The following SLC14A2 variants were observed in gnomAD, a reference collection of about 807,000 sequenced individuals.
SLC14A2 encodes the protein solute carrier family 14 member 2.
A neutral mutation model predicts 104.6 loss-of-function variants in SLC14A2; 91 were observed. The ratio of observed to expected loss-of-function variants is 0.87; its 90% confidence interval spans 0.73 to 1.04. SLC14A2 has a LOEUF of 1.04. Ranked by LOEUF, SLC14A2 falls within the 50% of genes least tolerant of loss-of-function variation. The pLI, the probability that SLC14A2 is intolerant of heterozygous loss-of-function variation, is 0.00. For missense variants in SLC14A2, 1,189 were observed against 1,156.0 expected (o/e 1.03, Z -0.41); for synonymous variants, 476 against 466.4 (o/e 1.02, Z -0.27).
At chr18:45,287,703 C>G (rs1203823240) in intron 1 of SLC14A2, among the ~76,000 whole-genome samples, 1 of 152,200 alleles carries the variant, frequency 6.6e-6, no homozygotes, top group Non-Finnish European at 1.5e-5. Context: ...GAACTTCCAC[C>G]TTCTCTGGCT....
chr18:45,533,364 C>T (rs1448606318), intron 2 of SLC14A2, among the ~76,000 whole-genome samples: 2 of 152,158 alleles, frequency 1.3e-5, no homozygotes, highest in Non-Finnish European at 2.9e-5. Context: ...TAATTATTGC[C>T]TCAATTTCAG....
At chr18:45,490,091 G>C (rs1285115892) in intron 2 of SLC14A2, 1 of 152,194 alleles carries the variant, frequency 6.6e-6, no homozygotes, top group African/African-American at 2.4e-5. Context: ...TGTGTCGAAT[G>C]AGGTAGGAGG....
At chr18:45,608,897 T>A (rs1225722270) in intron 2 of SLC14A2, among the ~76,000 whole-genome samples, 4 of 152,186 alleles carry the variant, frequency 2.6e-5, no homozygotes, top group Admixed American at 1.3e-4. Flanking sequence ...TCATGCCAGG[T>A]CCCCTCTGCA....
chr18:45,390,769 C>T (rs1568178973), intron 1 of SLC14A2, among the ~76,000 whole-genome samples: 1 of 152,154 alleles, frequency 6.6e-6, no homozygotes, highest in Non-Finnish European at 1.5e-5. Flanking sequence ...CCAAGCTGCG[C>T]ACCTTTCACC....
intron 1 of SLC14A2, among the ~76,000 whole-genome samples, chr18:45,623,336 G>GAGTT (rs1342508549): frequency 6.6e-6 from 1 of 152,238 alleles, no homozygotes; most frequent in African/African-American, 2.4e-5. Flanking sequence ...ACAGGATGAT[G>GAGTT]AGTTATCTGC....
At chr18:45,367,527 C>A (rs569053507) in intron 1 of SLC14A2, among the ~76,000 whole-genome samples, 1 of 152,334 alleles carries the variant, frequency 6.6e-6, no homozygotes, top group South Asian at 2.1e-4. Flanking sequence ...ACTGGAACAT[C>A]ATGTCAACCT....
chr18:45,528,936 C>T (rs1169990322), intron 2 of SLC14A2: 4 of 152,228 alleles, frequency 2.6e-5, no homozygotes, highest in Non-Finnish European at 5.9e-5. Flanking sequence ...GAAGCTTCCA[C>T]TTTTCTGCTT....
At chr18:45,180,160 AAAACAAAC>A in the SLC14A2 span, among the ~76,000 whole-genome samples, 23 of 152,202 alleles carry the variant, frequency 1.5e-4, no homozygotes, top group Admixed American at 1.4e-3. Flanking sequence ...AAAAGAGAAA[AAAACAAAC>A]AAACAAACAA....
chr18:45,393,685 G>A (rs984062809), intron 1 of SLC14A2, among the ~76,000 whole-genome samples: 8 of 152,214 alleles, frequency 5.3e-5, no homozygotes, highest in African/African-American at 1.4e-4. Context: ...TCCATATGGG[G>A]AAGCACCTTG....
chr18:45,676,882 T>C (rs554814962), intron 18 of SLC14A2, among the ~76,000 whole-genome samples: 112 of 152,366 alleles, frequency 7.4e-4, no homozygotes, highest in Non-Finnish European at 1.1e-3. Flanking sequence ...AAGGCTGTGC[T>C]CTTTGCAGGA....
chr18:45,226,903 A>G (rs1160985815), intron 1 of SLC14A2, among the ~76,000 whole-genome samples: 1 of 152,128 alleles, frequency 6.6e-6, no homozygotes, highest in Non-Finnish European at 1.5e-5. Context: ...TCCTAATTAG[A>G]GTCCGGAGGT....
chr18:45,248,355 C>T (rs2084387778), intron 1 of SLC14A2, among the ~76,000 whole-genome samples: 1 of 152,066 alleles, frequency 6.6e-6, no homozygotes, highest in South Asian at 2.1e-4. Context: ...ACATGAGGGC[C>T]TGTCTGAGGT....
Position 45,445,187 on chromosome 18 carries a change from C to T in SLC14A2, c.-124-38046C>T, listed in dbSNP as rs1598827627. On this transcript the variant is annotated intron_variant, in intron 1 of 20. Coordinates refer to the SLC14A2 transcript ENST00000586448. ...AGTGCAGTGGCACAACGTTGGCTCA[C>T]CGAAACCTCCGCCTCCCAGGTTCAA... 3.4e-5 allele frequency among the ~76,000 whole-genome samples: 5 copies of T among 147,422 alleles called. No individual in the cohort carries two copies. The South Asian group carries it at 1.1e-3, about 33-fold the overall frequency.
At chr18:45,604,569 G>A (rs1253450733) in intron 2 of SLC14A2, among the ~76,000 whole-genome samples, 1 of 152,154 alleles carries the variant, frequency 6.6e-6, no homozygotes, top group Non-Finnish European at 1.5e-5. Context: ...GATACATATG[G>A]GGTCTAGTGA....
intron 2 of SLC14A2, among the ~76,000 whole-genome samples, chr18:45,547,162 T>C (rs2111732): frequency 0.035 from 5,372 of 152,232 alleles, 314 homozygotes; most frequent in African/African-American, 0.12. Context: ...ACCAAGAATT[T>C]TGCTATCTGA....
At chr18:45,415,658 G>A (rs552415136) in intron 1 of SLC14A2, among the ~76,000 whole-genome samples, 1 of 152,258 alleles carries the variant, frequency 6.6e-6, no homozygotes, top group South Asian at 2.1e-4. Flanking sequence ...AAAGCCAGGT[G>A]GCCAGGGAGC....
intron 1 of SLC14A2, among the ~76,000 whole-genome samples, chr18:45,272,927 A>C (rs534311655): frequency 1.3e-5 from 2 of 152,208 alleles, no homozygotes; most frequent in East Asian, 3.9e-4. Flanking sequence ...AAAGCTACCT[A>C]AGCCAGCAAC....
chr18:45,265,937 A>G (rs918836068), intron 1 of SLC14A2, among the ~76,000 whole-genome samples: 1 of 152,194 alleles, frequency 6.6e-6, no homozygotes, highest in Non-Finnish European at 1.5e-5. Context: ...CATGGAGTGT[A>G]CCTTCCACTA....
intron 10 of SLC14A2, among the ~76,000 whole-genome samples, chr18:45,645,603 G>T (rs2045604561): frequency 2.9e-4 from 2 of 6,878 alleles, no homozygotes; most frequent in South Asian, 5.8e-3. Context: ...CTTTCATTTG[G>T]TCTTTTTAAA....
Sources: gnomAD v4.1 joint callset for allele counts (sites outside exome capture counted in the v4.1 genomes callset) on GRCh38, gnomAD v4.1.1 for gene constraint, MANE v1.5 for transcripts, NCBI Gene and HGNC (gene_info 2026-07-23, HGNC 2026-07-21) for gene names.